PCDHGA4: variants seen among roughly 807,000 people sequenced by gnomAD.
PCDHGA4 encodes protocadherin gamma subfamily A, 4.
Under a neutral mutation model 54.6 loss-of-function variants are expected in PCDHGA4, and 38 were observed. The observed-to-expected ratio is 0.70, with a 90% CI of 0.54 to 0.91. The LOEUF (loss-of-function observed/expected upper bound fraction) is 0.91, where lower values mean the gene tolerates loss of function less well. Ranked by LOEUF, PCDHGA4 falls within the 40% of genes least tolerant of loss-of-function variation. The pLI, the probability that PCDHGA4 is intolerant of heterozygous loss-of-function variation, is 0.00. For missense variants in PCDHGA4, 1,298 were observed against 1,220.9 expected, an observed-to-expected ratio of 1.06 and a Z score of -0.94; for synonymous variants, 511 against 512.9, an observed-to-expected ratio of 1.00 and a Z score of 0.05.
At chr5:141,469,362 G>C (rs915161729) in intron 1 of PCDHGA4, among the ~76,000 whole-genome samples, 14 of 152,084 alleles carry the variant, frequency 9.2e-5, no homozygotes, top group Non-Finnish European at 7.4e-5. Flanking sequence ...GGATCATGAG[G>C]TAAAGAGATC....
intron 1 of PCDHGA4, chr5:141,413,400 G>T: frequency 6.2e-7 from 1 of 1,614,060 alleles, no homozygotes. Context: ...CCAGAGGTAG[G>T]ACGCAGCTTT....
At chr5:141,387,676 G>A (rs1218377613) in intron 1 of PCDHGA4, 7 of 732,116 alleles carry the variant, frequency 9.6e-6, no homozygotes, top group Non-Finnish European at 1.5e-5. Flanking sequence ...AGATCTCCTC[G>A]CGCAGCCGCA....
At position 141,369,113 on chromosome 5, in the gene PCDHGA4, T is replaced by G. The variant is rs192436354; in HGVS notation, c.2514+11492T>G. 6.1e-4 allele frequency among the ~76,000 whole-genome samples: 93 copies of G among 152,262 alleles called. 2 individuals are homozygous for G. Among genetic ancestry groups the G allele is most frequent in the African/African-American group, 2.2e-3 (90 of 41,546 alleles). ...TGGTTTGAAAATGGAATTAAAACTG[T>G]AAGACACCTGTCAGAAACATGGAAA... On this transcript the variant is annotated intron_variant, in intron 1 of 3. Coordinates refer to ENST00000571252, the MANE Select transcript of PCDHGA4 (RefSeq NM_018917.4).
At chr5:141,419,465 G>C (rs568864628) in intron 1 of PCDHGA4, 77 of 1,612,426 alleles carry the variant, frequency 4.8e-5, no homozygotes, top group Non-Finnish European at 6.4e-5. Context: ...GCAGGCCCGC[G>C]ACCAGGGCTC....
chr5:141,437,355 A>C (rs2097877902), intron 1 of PCDHGA4, among the ~76,000 whole-genome samples: 1 of 152,238 alleles, frequency 6.6e-6, no homozygotes, highest in Non-Finnish European at 1.5e-5. Flanking sequence ...ATAGTACCTA[A>C]AATTGGAATG....
In PCDHGA4 at chr5:141,447,157, T is replaced by A. The variant is rs569196292; in HGVS notation, c.2515-47650T>A. On this transcript the variant is annotated intron_variant, in intron 1 of 3. Transcript: ENST00000571252. The stretch of plus-strand genomic sequence containing the variant: ...TTTGTTTTTTGTTTTTGTTTTTGTT[T>A]AAGCGGGGTCTTGCTCTTGTCGCGC... Among the ~76,000 whole-genome samples the A allele has an allele frequency of 4.1e-4, 62 of 152,254 alleles. No homozygotes were observed. The South Asian group carries it at 0.013, about 31-fold the overall frequency.
At position 141,493,774 on chromosome 5, in the gene PCDHGA4, C is replaced by T. The variant is rs2099749996; in HGVS notation, c.2515-1033C>T. On this transcript the variant is annotated intron_variant, in intron 1 of 3. Coordinates refer to ENST00000571252, the MANE Select transcript of PCDHGA4 (RefSeq NM_018917.4). The surrounding 1 kb of genome is among the most constrained non-coding windows in gnomAD (Gnocchi z 4.3). ...GCCTTGAGTGAGCCACTGGCAGTTC[C>T]GGAGCTTCCTTCTCCCTGGAGTAAT... Among the ~76,000 whole-genome samples, 1 of 152,258 alleles carries T rather than the reference C, an allele frequency of 6.6e-6. No homozygotes were observed. The highest frequency in any genetic ancestry group is 1.9e-4 in the East Asian group (1 of 5,176).
chr5:141,388,843 G>C (rs750672396), intron 1 of PCDHGA4: 1 of 1,614,002 alleles, frequency 6.2e-7, no homozygotes, highest in Admixed American at 1.7e-5. Flanking sequence ...TTGGAAGCAA[G>C]GGACGGTGGA....
At chr5:141,508,896 C>A (rs1171693212) in intron 3 of PCDHGA4, among the ~76,000 whole-genome samples, 1 of 151,862 alleles carries the variant, frequency 6.6e-6, no homozygotes, top group Non-Finnish European at 1.5e-5. Context: ...GGGGAGGGGG[C>A]GGGGCGGTGG....
chr5:141,373,326 G>A (rs1419997594), intron 1 of PCDHGA4, among the ~76,000 whole-genome samples: 3 of 152,172 alleles, frequency 2.0e-5, no homozygotes, highest in East Asian at 3.8e-4. Context: ...AGAAATAATG[G>A]CATCTAAAAT....
chr5:141,372,131 G>A lies in PCDHGA4; in HGVS notation c.2514+14510G>A, dbSNP rs181587030. 4.2e-4 allele frequency: 682 copies of A among 1,613,644 alleles called. 9 individuals are homozygous for A. The East Asian group carries it at 8.2e-3, about 19-fold the overall frequency. On this transcript the variant is annotated intron_variant, in intron 1 of 3. Transcript: ENST00000571252. ...GCTCTGCGCTCTTCGATATGGTGCCGCGCTCTGCAGAGCCTGGCTACCTGG... is the reference window on the plus strand; with the variant it reads ...GCTCTGCGCTCTTCGATATGGTGCCACGCTCTGCAGAGCCTGGCTACCTGG...
chr5:141,444,463 G>A (rs570185430), intron 1 of PCDHGA4, among the ~76,000 whole-genome samples: 10 of 152,026 alleles, frequency 6.6e-5, no homozygotes, highest in Admixed American at 1.3e-4. Context: ...GAGTCACTGC[G>A]CCCGGTCGCG....
In PCDHGA4 at chr5:141,431,371, A is replaced by G. The variant is rs2097366432; in HGVS notation, c.2515-63436A>G. The G allele has an allele frequency of 6.2e-7, 1 of 1,613,998 alleles. No individual in the cohort carries two copies. The highest frequency in any genetic ancestry group is 8.5e-7 in the Non-Finnish European group (1 of 1,180,038). ...TGAAACGCGCCCTGGACCGCGAAGA[A>G]AAGGCTGCTCACCACCTGGTCCTTA... On this transcript the variant is annotated intron_variant, in intron 1 of 3. Transcript: ENST00000571252. The surrounding 1 kb of genome is among the most constrained non-coding windows in gnomAD (Gnocchi z 4.8).
At position 141,477,272 on chromosome 5, in the gene PCDHGA4, C is replaced by G. The variant is rs2099408579; in HGVS notation, c.2515-17535C>G. The G allele has an allele frequency of 1.2e-6, 2 of 1,614,090 alleles. No homozygotes were observed. The highest frequency in any genetic ancestry group is 1.7e-6 in the Non-Finnish European group (2 of 1,180,048). Reference sequence around the variant, plus strand: ...TGACCTGGATGCTGGCGAGAACGGGCTGGTGACCTGCGAAGTTCCACCGGG... The same window carrying G: ...TGACCTGGATGCTGGCGAGAACGGGGTGGTGACCTGCGAAGTTCCACCGGG... On this transcript the variant is annotated intron_variant, in intron 1 of 3. Coordinates refer to ENST00000571252, the MANE Select transcript of PCDHGA4 (RefSeq NM_018917.4). This position sits in a 1 kb window ranked among gnomAD's most constrained non-coding sequence, Gnocchi z 4.9.
rs372235829 is a variant in PCDHGA4, at chr5:141,381,798, C to CTCTTTCTTTCTT, written c.2514+24190_2514+24201dup. On this transcript the variant is annotated intron_variant, in intron 1 of 3. Transcript: ENST00000571252. ...ATCAGGAACAAGGCAAGGCAATTCC[C>CTCTTTCTTTCTT]TCTTTCTTTCTTTCTTTCTTTCTTC... 5.9e-4 allele frequency among the ~76,000 whole-genome samples: 85 copies of CTCTTTCTTTCTT among 144,150 alleles called. 1 individual carries two copies. Among genetic ancestry groups the CTCTTTCTTTCTT allele is most frequent in the African/African-American group, 2.2e-3 (83 of 37,512 alleles). 94.6% of individuals were successfully genotyped at this position (144,150 alleles called of 152,430 possible).
chr5:141,423,462 C>G, intron 1 of PCDHGA4: 1 of 1,613,924 alleles, frequency 6.2e-7, no homozygotes, highest in Non-Finnish European at 8.5e-7. Flanking sequence ...TAGGCGTGGA[C>G]GGGGTACAGG....
At chr5:141,377,295 G>A (rs2150107676) in intron 1 of PCDHGA4, 2 of 152,102 alleles carry the variant, frequency 1.3e-5, no homozygotes, top group Middle Eastern at 6.8e-3. Context: ...CTTAATTTAG[G>A]TCAGTGTTAA....
intron 1 of PCDHGA4, among the ~76,000 whole-genome samples, chr5:141,465,307 T>C (rs2099100636): frequency 6.6e-6 from 1 of 152,218 alleles, no homozygotes; most frequent in Non-Finnish European, 1.5e-5. Context: ...CCTGGGAATT[T>C]AGCCATGTCA....
intron 1 of PCDHGA4, among the ~76,000 whole-genome samples, chr5:141,453,080 A>T (rs1323212808): frequency 6.6e-6 from 1 of 151,960 alleles, no homozygotes; most frequent in Non-Finnish European, 1.5e-5. Context: ...ACTCTGGTTG[A>T]TTAGTATATT....
Sources: gnomAD v4.1 joint callset for allele counts (sites outside exome capture counted in the v4.1 genomes callset) on GRCh38, gnomAD v4.1.1 for gene constraint, Gnocchi (gnomAD v3.1) non-coding constraint, MANE v1.5 for transcripts, NCBI Gene and HGNC (gene_info 2026-07-23, HGNC 2026-07-21) for gene names.